Variants in SCN8A observed in about 807,000 individuals in gnomAD.
The protein encoded by SCN8A is sodium channel protein type 8 subunit alpha.
In SCN8A, 30 loss-of-function variants were observed where a neutral mutation model predicts 184.1. That is an observed-to-expected ratio of 0.16 (90% CI 0.12 to 0.22). The LOEUF (loss-of-function observed/expected upper bound fraction) is 0.22, where lower values mean the gene tolerates loss of function less well. Among genes scored for constraint, SCN8A ranks in the 10% least tolerant of loss-of-function variants. The probability of loss-of-function intolerance (pLI) is 1.00; values close to 1 mark genes in which losing one functional copy is unlikely to be tolerated. For synonymous variants in SCN8A, 852 were observed against 907.0 expected (o/e 0.94, Z 1.09); for missense variants, 1,057 against 2,498.9 (o/e 0.42, Z 12.30).
In SCN8A at chr12:51,810,207, C is replaced by T; in HGVS notation, c.*2778C>T. The T allele has an allele frequency of 4.0e-6, 1 of 247,976 alleles. No homozygotes were observed. Among genetic ancestry groups the T allele is most frequent in the Non-Finnish European group, 8.2e-6 (1 of 121,332 alleles). 15.4% of individuals were successfully genotyped at this position (247,976 alleles called of 1,614,324 possible). On this transcript the variant is annotated 3_prime_UTR_variant, in exon 27 of 27. Coordinates refer to ENST00000627620, the MANE Select transcript of SCN8A (RefSeq NM_001330260.2). ...TTGGTATCTGGCACCCATCAGCCAGCCTCATAGGAAAGAAGCCACCTCCGC... is the reference window on the plus strand; with the variant it reads ...TTGGTATCTGGCACCCATCAGCCAGTCTCATAGGAAAGAAGCCACCTCCGC...
At chr12:51,755,424 G>C (rs1351602145) in intron 14 of SCN8A, among the ~76,000 whole-genome samples, 1 of 152,146 alleles carries the variant, frequency 6.6e-6, no homozygotes, top group Non-Finnish European at 1.5e-5. Context: ...GGTACCACAA[G>C]GTATTCCAGG....
chr12:51,703,424 G>A lies in SCN8A; in HGVS notation c.1134+510G>A, dbSNP rs190633602. Among the ~76,000 whole-genome samples, 311 of 152,132 alleles carry A rather than the reference G, an allele frequency of 2.0e-3. 2 individuals carry two copies. Among genetic ancestry groups the A allele is most frequent in the African/African-American group, 6.6e-3 (276 of 41,514 alleles). ...CTCCCAAAGTGCTGGAATTACAGGC[G>A]TGAGCCACCATTAGGGCTTCTGTTT... On this transcript the variant is annotated intron_variant, in intron 9 of 26. Transcript: ENST00000627620.
At chr12:51,633,714 C>T (rs116964902) in intron 1 of SCN8A, among the ~76,000 whole-genome samples, 22 of 152,316 alleles carry the variant, frequency 1.4e-4, no homozygotes, top group East Asian at 9.6e-4. Context: ...TCTCTATAGA[C>T]GTCCTGGTTG....
At chr12:51,634,647 A>AT (rs1940273084) in intron 1 of SCN8A, among the ~76,000 whole-genome samples, 2 of 61,986 alleles carry the variant, frequency 3.2e-5, no homozygotes, top group African/African-American at 1.2e-4. Context: ...TATTATTATT[A>AT]TTATTATTAT....
chr12:51,686,123 A>C (rs1941415601), intron 3 of SCN8A, among the ~76,000 whole-genome samples: 1 of 152,154 alleles, frequency 6.6e-6, no homozygotes, highest in Admixed American at 6.5e-5. Flanking sequence ...AAGGGAGTAG[A>C]ACAGTGACGG....
intron 25 of SCN8A, among the ~76,000 whole-genome samples, chr12:51,792,593 G>A (rs12099688): frequency 0.089 from 13,509 of 151,902 alleles, 982 homozygotes; most frequent in East Asian, 0.36. Flanking sequence ...GTGGCCAGGG[G>A]GTGGCGAGCC....
At chr12:51,732,686 C>T (rs1163574876) in intron 12 of SCN8A, among the ~76,000 whole-genome samples, 1 of 152,030 alleles carries the variant, frequency 6.6e-6, no homozygotes, top group Non-Finnish European at 1.5e-5. Flanking sequence ...CAATATTGAA[C>T]AATCCACGAA....
At chr12:51,777,520 A>G (rs1415567789) in intron 20 of SCN8A, among the ~76,000 whole-genome samples, 1 of 152,128 alleles carries the variant, frequency 6.6e-6, no homozygotes, top group African/African-American at 2.4e-5. Flanking sequence ...ACTTTAAGCA[A>G]TGTTAGGATT....
intron 13 of SCN8A, among the ~76,000 whole-genome samples, chr12:51,750,884 A>T (rs529750261): frequency 1.3e-5 from 2 of 152,318 alleles, no homozygotes; most frequent in Admixed American, 1.3e-4. Flanking sequence ...CCTACCATTT[A>T]TTGAGGATTT....
Position 51,810,474 on chromosome 12 carries a change from T to C in SCN8A, c.*3045T>C, listed in dbSNP as rs761891589. 1 of 443,868 alleles carries C rather than the reference T, an allele frequency of 2.3e-6. No homozygotes were observed. The highest frequency in any genetic ancestry group is 1.6e-5 in the South Asian group (1 of 62,568). 27.5% of individuals were successfully genotyped at this position (443,868 alleles called of 1,614,324 possible). On this transcript the variant is annotated 3_prime_UTR_variant, in exon 27 of 27. Transcript: ENST00000627620. Reference sequence around the variant, plus strand: ...GGGTAAGTGGCAATGCTTTGCCAAATATTAACGAAGCCAATCAAAGAGCAG... The same window carrying C: ...GGGTAAGTGGCAATGCTTTGCCAAACATTAACGAAGCCAATCAAAGAGCAG...
chr12:51,592,572 G>T (rs1029715270), intron 1 of SCN8A, among the ~76,000 whole-genome samples: 1 of 151,950 alleles, frequency 6.6e-6, no homozygotes, highest in Non-Finnish European at 1.5e-5. Flanking sequence ...TTTGGGGGGA[G>T]GGTAGAAGAA....
chr12:51,680,898 G>A (rs979426757), intron 2 of SCN8A, among the ~76,000 whole-genome samples: 1 of 152,054 alleles, frequency 6.6e-6, no homozygotes, highest in South Asian at 2.1e-4. Context: ...CAAGTACTGG[G>A]GAGGCTGAAG....
At chr12:51,672,719 A>T (rs1941154089) in intron 2 of SCN8A, among the ~76,000 whole-genome samples, 1 of 152,200 alleles carries the variant, frequency 6.6e-6, no homozygotes, top group Admixed American at 6.5e-5. Flanking sequence ...AAACCTGCTT[A>T]TCTTCTTTTA....
At chr12:51,707,916 C>G (rs1174646100) in intron 11 of SCN8A, among the ~76,000 whole-genome samples, 2 of 152,172 alleles carry the variant, frequency 1.3e-5, no homozygotes, top group African/African-American at 2.4e-5. Context: ...ATCCTCATTT[C>G]TACCTCACTA....
chr12:51,712,612 A>G (rs1303984834), intron 11 of SCN8A: 4 of 777,552 alleles, frequency 5.1e-6, no homozygotes, highest in Non-Finnish European at 9.4e-6. Context: ...TAAAATCATT[A>G]TAGTTCCCAC....
At chr12:51,732,281 T>G (rs924507669) in intron 12 of SCN8A, among the ~76,000 whole-genome samples, 1 of 152,236 alleles carries the variant, frequency 6.6e-6, no homozygotes, top group African/African-American at 2.4e-5. Context: ...TTCATTCTTC[T>G]GCATATGGAT....
chr12:51,729,285 A>G (rs1942204154), intron 12 of SCN8A, among the ~76,000 whole-genome samples: 1 of 151,882 alleles, frequency 6.6e-6, no homozygotes, highest in Non-Finnish European at 1.5e-5. Context: ...CATTCCCTAA[A>G]CCCATCATTA....
intron 1 of SCN8A, among the ~76,000 whole-genome samples, chr12:51,649,572 AGCTGCCAAGTCTTGGAGCTT>A (rs1473700791): frequency 6.6e-6 from 1 of 152,224 alleles, no homozygotes; most frequent in Non-Finnish European, 1.5e-5. Context: ...ACCACATGGA[AGCTGCCAAGTCTTGGAGCTT>A]GCACCCTCTG....
Position 51,626,753 on chromosome 12 carries a change from C to T in SCN8A, c.-55+35394C>T, listed in dbSNP as rs564628721. Among the ~76,000 whole-genome samples, 89 of 151,656 alleles carry T rather than the reference C, an allele frequency of 5.9e-4. 2 individuals are homozygous for T. The South Asian group carries it at 0.016, about 28-fold the overall frequency. On this transcript the variant is annotated intron_variant, in intron 1 of 26. Coordinates refer to ENST00000627620, the MANE Select transcript of SCN8A (RefSeq NM_001330260.2). ...TTCTTTCTCTTACCTCTCCCACCTC[C>T]ACTCTCCAATTGTTTTCTGGATTTT...
Sources: gnomAD v4.1 joint callset for allele counts (sites outside exome capture counted in the v4.1 genomes callset) on GRCh38, gnomAD v4.1.1 for gene constraint, MANE v1.5 for transcripts, NCBI Gene and HGNC (gene_info 2026-07-23, HGNC 2026-07-21) for gene names.